VGLL3: variants seen among roughly 807,000 people sequenced by gnomAD.
The protein encoded by VGLL3 is transcription cofactor vestigial-like protein 3.
A neutral mutation model predicts 29.2 loss-of-function variants in VGLL3; 18 were observed. That is an observed-to-expected ratio of 0.62 (90% CI 0.43 to 0.91). The LOEUF (loss-of-function observed/expected upper bound fraction) is 0.91. Ranked by LOEUF, VGLL3 falls within the 40% of genes least tolerant of loss-of-function variation. VGLL3 has a pLI of 0.00. For missense variants in VGLL3, 440 were observed against 413.2 expected, an observed-to-expected ratio of 1.06 and a Z score of -0.56; for synonymous variants, 180 against 151.8, an observed-to-expected ratio of 1.19 and a Z score of -1.36.
At chr3:86,989,699 T>C (rs1045783094) in intron 1 of VGLL3, among the ~76,000 whole-genome samples, 5 of 152,132 alleles carry the variant, frequency 3.3e-5, no homozygotes, top group African/African-American at 1.2e-4. Flanking sequence ...CCACCCTAAT[T>C]CCCATAGTCT....
Position 86,946,125 on chromosome 3 carries a change from A to G in VGLL3, c.*899T>C, listed in dbSNP as rs1012256092. On this transcript the variant is annotated 3_prime_UTR_variant, in exon 4 of 4. Transcript: ENST00000398399. ...GTAGTTGTATATAACCTCTGGTTCC[A>G]TTTATCAAATTTGGATGGGCTAGAA... 6.6e-6 allele frequency: 1 copy of G among 152,170 alleles called. No individual in the cohort carries two copies. The highest frequency in any genetic ancestry group is 2.4e-5 in the African/African-American group (1 of 41,444). The allele number at this position is 152,170 out of a possible 1,614,324, so 9.4% of individuals were successfully genotyped here. A position where few individuals can be genotyped will look rare whatever the true frequency, so the allele number is the denominator to read the frequency against.
intron 3 of VGLL3, among the ~76,000 whole-genome samples, chr3:86,949,694 C>T (rs533619286): frequency 6.6e-5 from 10 of 151,610 alleles, no homozygotes; most frequent in South Asian, 2.1e-4. Context: ...GGCGTGATGG[C>T]GGGCGCCCTG....
In VGLL3 at chr3:86,975,860, C is replaced by G. The variant is rs535606104; in HGVS notation, c.403+2666G>C. 2.0e-5 allele frequency among the ~76,000 whole-genome samples: 3 copies of G among 151,962 alleles called. No individual in the cohort carries two copies. The East Asian group carries it at 5.8e-4, about 29-fold the overall frequency. ...TGGCTCACATCTGTAAGTGTGGCTC[C>G]GAGCACTTTGGGAGGCCGAGGCGGG... On this transcript the variant is annotated intron_variant, in intron 2 of 3. Coordinates refer to ENST00000398399, the MANE Select transcript of VGLL3 (RefSeq NM_016206.4).
intron 2 of VGLL3, among the ~76,000 whole-genome samples, chr3:86,977,213 AAGGAG>A (rs542413690): frequency 2.6e-5 from 4 of 152,034 alleles, no homozygotes; most frequent in Admixed American, 6.6e-5. Context: ...GAAAAAAAAG[AAGGAG>A]AGGAGAGGAG....
Position 86,990,920 on chromosome 3 carries a change from A to G in VGLL3, c.-177T>C. The G allele has an allele frequency of 1.0e-5, 11 of 1,103,532 alleles. No individual in the cohort carries two copies. Among genetic ancestry groups the G allele is most frequent in the Non-Finnish European group, 1.2e-5 (11 of 903,128 alleles). The allele number at this position is 1,103,532 out of a possible 1,614,324, so 68.4% of individuals were successfully genotyped here. A position where few individuals can be genotyped will look rare whatever the true frequency, so the allele number is the denominator to read the frequency against. The stretch of plus-strand genomic sequence containing the variant: ...CGCGCGGGGCGCGGGGTCGGGAGGG[A>G]CTGGCAATCAGCGGGGGCCCATGCG... On this transcript the variant is annotated 5_prime_UTR_variant, in exon 1 of 4. Coordinates refer to ENST00000398399, the MANE Select transcript of VGLL3 (RefSeq NM_016206.4).
chr3:86,965,696 C>G (rs890801651), intron 3 of VGLL3, among the ~76,000 whole-genome samples: 1 of 152,128 alleles, frequency 6.6e-6, no homozygotes, highest in Non-Finnish European at 1.5e-5. Context: ...CCACCTGGCC[C>G]AATATCATGT....
At chr3:86,947,404 G>A (rs1704530218) in intron 3 of VGLL3, among the ~76,000 whole-genome samples, 1 of 152,056 alleles carries the variant, frequency 6.6e-6, no homozygotes, top group African/African-American at 2.4e-5. Context: ...AGATGATATT[G>A]GGAGAAAAAA....
At chr3:86,988,709 A>T (rs1451802096) in intron 1 of VGLL3, among the ~76,000 whole-genome samples, 1 of 19,428 alleles carries the variant, frequency 5.1e-5, no homozygotes, top group Non-Finnish European at 1.7e-4. Context: ...GAGAAGAAAA[A>T]GAAGAAAAAG....
At chr3:86,958,111 G>A (rs1273592260) in intron 3 of VGLL3, among the ~76,000 whole-genome samples, 1 of 152,014 alleles carries the variant, frequency 6.6e-6, no homozygotes, top group Non-Finnish European at 1.5e-5. Context: ...AATACCATAT[G>A]GAACACAATT....
rs941318069 is a variant in VGLL3 at position 86,938,888 on chromosome 3, C to T, written c.*8136G>A. Reference sequence around the variant, plus strand: ...TAAGATGCTTGGAGACTTAGGACATCGCAAGATGGGTCTAAGTTCCCAAAA... The same window carrying T: ...TAAGATGCTTGGAGACTTAGGACATTGCAAGATGGGTCTAAGTTCCCAAAA... On this transcript the variant is annotated 3_prime_UTR_variant, in exon 4 of 4. Coordinates refer to ENST00000398399, the MANE Select transcript of VGLL3 (RefSeq NM_016206.4). 4.6e-5 allele frequency: 7 copies of T among 152,074 alleles called. No individual in the cohort carries two copies. The highest frequency in any genetic ancestry group is 1.3e-4 in the Admixed American group (2 of 15,274). 9.4% of individuals were successfully genotyped at this position (152,074 alleles called of 1,614,324 possible).
At chr3:86,989,054 C>T (rs1157989345) in intron 1 of VGLL3, among the ~76,000 whole-genome samples, 1 of 152,068 alleles carries the variant, frequency 6.6e-6, no homozygotes, top group African/African-American at 2.4e-5. Flanking sequence ...TTGCCATTTT[C>T]TCTGATACCG....
intron 2 of VGLL3, among the ~76,000 whole-genome samples, chr3:86,976,982 G>T (rs1705222550): frequency 6.6e-6 from 1 of 152,112 alleles, no homozygotes; most frequent in Non-Finnish European, 1.5e-5. Flanking sequence ...ATCACGTCCT[G>T]TTAAATAGGA....
chr3:86,968,896 A>C lies in VGLL3; in HGVS notation c.631T>G (p.Leu211Val). The C allele has an allele frequency of 6.2e-7, 1 of 1,614,084 alleles. No individual in the cohort carries two copies. Among genetic ancestry groups the C allele is most frequent in the Non-Finnish European group, 8.5e-7 (1 of 1,180,000 alleles). ...TAGGATGGGCTCACCTGAGATGTCA[A>C]AGGATAAGGCCAGGACTCAGACACA... Reference protein sequence around the residue: ...PAVSESWPYPLTSQVSPSYSH... With the variant: ...PAVSESWPYPVTSQVSPSYSH... The change falls in exon 3 of 4, where the codon TTG becomes GTG. Residue 211 changes from leucine to valine, a missense_variant. Coordinates refer to ENST00000398399, the MANE Select transcript of VGLL3 (RefSeq NM_016206.4).
intron 3 of VGLL3, among the ~76,000 whole-genome samples, chr3:86,958,493 C>A (rs1559722930): frequency 6.6e-6 from 1 of 152,128 alleles, no homozygotes; most frequent in African/African-American, 2.4e-5. Flanking sequence ...CCTGTTCCAC[C>A]AAGTAGGAGA....
chr3:86,965,014 G>A (rs531949170), intron 3 of VGLL3, among the ~76,000 whole-genome samples: 14 of 151,974 alleles, frequency 9.2e-5, no homozygotes, highest in Non-Finnish European at 1.6e-4. Context: ...AAAATTAGCC[G>A]GGCATAGTGG....
At chr3:86,955,210 C>T (rs193261273) in intron 3 of VGLL3, among the ~76,000 whole-genome samples, 7 of 152,182 alleles carry the variant, frequency 4.6e-5, no homozygotes, top group African/African-American at 1.4e-4. Context: ...TTTCAAAAGA[C>T]GCTTAGAAAC....
intron 1 of VGLL3, chr3:86,990,402 A>G (rs1705553690): frequency 4.0e-5 from 39 of 984,508 alleles, no homozygotes; most frequent in Non-Finnish European, 4.5e-5. Context: ...CCACAGCTCA[A>G]TGAAGCCCCC....
At chr3:86,961,748 G>A (rs941292033) in intron 3 of VGLL3, among the ~76,000 whole-genome samples, 1 of 152,004 alleles carries the variant, frequency 6.6e-6, no homozygotes, top group African/African-American at 2.4e-5. Context: ...GTTAACCTAG[G>A]TTACACGCAG....
rs1411456066 is a variant in VGLL3, at chr3:86,942,939, T to G, written c.*4085A>C. 1 of 152,140 alleles carries G rather than the reference T, an allele frequency of 6.6e-6. No individual in the cohort carries two copies. The highest frequency in any genetic ancestry group is 1.5e-5 in the Non-Finnish European group (1 of 68,034). The allele number at this position is 152,140 out of a possible 1,614,324, so 9.4% of individuals were successfully genotyped here. On this transcript the variant is annotated 3_prime_UTR_variant, in exon 4 of 4. Coordinates refer to ENST00000398399, the MANE Select transcript of VGLL3 (RefSeq NM_016206.4). ...TTTAATGAACTACTTACTCAACTGA[T>G]AGGCATCTGTAGTAGCTGTTATTTA...
Sources: gnomAD v4.1 joint callset for allele counts (sites outside exome capture counted in the v4.1 genomes callset) on GRCh38, gnomAD v4.1.1 for gene constraint, MANE v1.5 for transcripts, NCBI Gene and HGNC (gene_info 2026-07-23, HGNC 2026-07-21) for gene names.